NSL1: variants seen among roughly 807,000 people sequenced by gnomAD.
NSL1 encodes NSL1 component of MIS12 kinetochore complex, also known as kinetochore-associated protein NSL1 homolog.
A neutral mutation model predicts 25.4 loss-of-function variants in NSL1; 11 were observed. The observed-to-expected ratio is 0.43, with a 90% CI of 0.27 to 0.72. The LOEUF (loss-of-function observed/expected upper bound fraction) is 0.72, where lower values mean the gene tolerates loss of function less well. Among genes scored for constraint, NSL1 ranks in the 30% least tolerant of loss-of-function variants. The pLI is 0.19. For missense variants in NSL1, 330 were observed against 342.7 expected (o/e 0.96, Z 0.29); for synonymous variants, 118 against 120.6 (o/e 0.98, Z 0.14).
intron 4 of NSL1, among the ~76,000 whole-genome samples, chr1:212,745,816 T>C (rs1355995840): frequency 1.3e-5 from 2 of 149,390 alleles, no homozygotes; most frequent in African/African-American, 5.0e-5. Flanking sequence ...TACAAAAAAA[T>C]CAGCTGGGCT....
At chr1:212,779,868 C>T (rs1035508256) in intron 4 of NSL1, among the ~76,000 whole-genome samples, 5 of 146,270 alleles carry the variant, frequency 3.4e-5, no homozygotes, top group South Asian at 2.2e-4. Context: ...CCGCCCCGTC[C>T]GGGAGGGAGG....
At chr1:212,767,693 G>C (rs1326941523) in intron 4 of NSL1, among the ~76,000 whole-genome samples, 1 of 152,016 alleles carries the variant, frequency 6.6e-6, no homozygotes, top group African/African-American at 2.4e-5. Context: ...CTAATATCCA[G>C]AATCTACAAG....
chr1:212,777,449 A>G (rs963764951), intron 4 of NSL1, among the ~76,000 whole-genome samples: 2 of 152,212 alleles, frequency 1.3e-5, no homozygotes, highest in African/African-American at 2.4e-5. Flanking sequence ...AAAGGAATGG[A>G]TAGTGGAATA....
intron 4 of NSL1, among the ~76,000 whole-genome samples, chr1:212,761,735 CATAAG>C (rs1659576062): frequency 6.6e-6 from 1 of 151,708 alleles, no homozygotes. Context: ...AACACAAGGA[CATAAG>C]AAAAACAATT....
At chr1:212,784,193 T>C (rs1558065244) in intron 3 of NSL1, 170 bp downstream of exon 3, 2 of 429,852 alleles carry the variant, frequency 4.7e-6, no homozygotes, top group African/African-American at 2.0e-5. Context: ...GACTATACTA[T>C]GTCATAGTAC....
chr1:212,775,044 A>G (rs1660299343), intron 4 of NSL1, among the ~76,000 whole-genome samples: 1 of 152,244 alleles, frequency 6.6e-6, no homozygotes, highest in South Asian at 2.1e-4. Context: ...TGTCCATACA[A>G]TGGAATATTA....
In NSL1 at chr1:212,738,360, A is replaced by C. The variant is rs751762425; in HGVS notation, c.*48T>G. The stretch of plus-strand genomic sequence containing the variant: ...CTAGGTATTAATTAGGCTGTAATCT[A>C]AATGTTGATGGTGCCTATTTTCAAC... On this transcript the variant is annotated 3_prime_UTR_variant, in exon 6 of 6. Coordinates refer to ENST00000366977, the MANE Select transcript of NSL1 (RefSeq NM_015471.4). 43 of 1,563,560 alleles carry C rather than the reference A, an allele frequency of 2.8e-5. No individual in the cohort carries two copies. Among genetic ancestry groups the C allele is most frequent in the Non-Finnish European group, 3.2e-5 (37 of 1,159,858 alleles).
rs148649516 is a variant in NSL1, at chr1:212,746,399, A to C, written c.500-6798T>G. 1.1e-3 allele frequency among the ~76,000 whole-genome samples: 167 copies of C among 152,344 alleles called. 2 individuals are homozygous for C. In the East Asian group the frequency reaches 0.018, roughly 17 times the overall value. ...AATCCCCAAGGAAACCACTAAAAAA[A>C]ACCCCTAAGAACTATACAGAAAATA... On this transcript the variant is annotated intron_variant, in intron 4 of 5. Coordinates refer to ENST00000366977, the MANE Select transcript of NSL1 (RefSeq NM_015471.4).
At position 212,741,174 on chromosome 1, in the gene NSL1, G is replaced by A. The variant is rs1311526817; in HGVS notation, c.500-1573C>T. ...GAGGAGATTCCCCAAAAGTACTCAGGGGCATAACAATTGTTAAATTTTCTC... is the reference window on the plus strand; with the variant it reads ...GAGGAGATTCCCCAAAAGTACTCAGAGGCATAACAATTGTTAAATTTTCTC... On this transcript the variant is annotated intron_variant, in intron 4 of 5. Transcript: ENST00000366977. Among the ~76,000 whole-genome samples, 5 of 151,886 alleles carry A rather than the reference G, an allele frequency of 3.3e-5. No individual in the cohort carries two copies. The East Asian group carries it at 5.8e-4, about 18-fold the overall frequency.
chr1:212,776,726 C>T (rs1254229189), intron 4 of NSL1, among the ~76,000 whole-genome samples: 1 of 148,450 alleles, frequency 6.7e-6, no homozygotes, highest in Admixed American at 6.6e-5. Context: ...AACAAAACAA[C>T]AACAACAACA....
At chr1:212,761,159 G>A (rs1659544304) in intron 4 of NSL1, among the ~76,000 whole-genome samples, 1 of 152,186 alleles carries the variant, frequency 6.6e-6, no homozygotes, top group Non-Finnish European at 1.5e-5. Flanking sequence ...CAAATGTGCA[G>A]GTATCAACTT....
At chr1:212,745,189 T>A (rs1203351884) in intron 4 of NSL1, among the ~76,000 whole-genome samples, 470 of 22,412 alleles carry the variant, frequency 0.021, 13 homozygotes, top group Non-Finnish European at 0.04. Flanking sequence ...TATATATATA[T>A]ATATATATAT....
Position 212,780,707 on chromosome 1 carries a change from A to G in NSL1, c.499+1665T>C, listed in dbSNP as rs1489890312. ...TTAATCAGTTTCATATGATTCTACC[A>G]GTTCGGTAGATTATAAGGTATACAA... On this transcript the variant is annotated intron_variant, in intron 4 of 5. Coordinates refer to ENST00000366977, the MANE Select transcript of NSL1 (RefSeq NM_015471.4). Among the ~76,000 whole-genome samples the G allele has an allele frequency of 2.0e-5, 3 of 152,158 alleles. No individual in the cohort carries two copies. In the East Asian group the frequency reaches 5.8e-4, roughly 29 times the overall value.
intron 4 of NSL1, among the ~76,000 whole-genome samples, chr1:212,773,182 T>C (rs1469759127): frequency 5.3e-5 from 8 of 151,940 alleles, no homozygotes; most frequent in African/African-American, 1.9e-4. Context: ...AACAGACAAA[T>C]GGGATTACAT....
At chr1:212,785,870 T>C (rs982032315) in intron 2 of NSL1, among the ~76,000 whole-genome samples, 3 of 152,214 alleles carry the variant, frequency 2.0e-5, no homozygotes, top group Admixed American at 6.5e-5. Flanking sequence ...ATCTGAAACA[T>C]AATTTTTGAA....
chr1:212,767,479 A>G (rs1243249679), intron 4 of NSL1, among the ~76,000 whole-genome samples: 13 of 152,216 alleles, frequency 8.5e-5, no homozygotes. Context: ...AGAAGATAAC[A>G]TCAGACAAAC....
At chr1:212,745,776 AAC>A (rs1195670179) in intron 4 of NSL1, among the ~76,000 whole-genome samples, 3 of 151,920 alleles carry the variant, frequency 2.0e-5, no homozygotes, top group Middle Eastern at 3.4e-3. Flanking sequence ...CAACCTGGAC[AAC>A]ATGGCGAAAC....
At position 212,778,837 on chromosome 1, in the gene NSL1, G is replaced by A. The variant is rs1313796655; in HGVS notation, c.499+3535C>T. Among the ~76,000 whole-genome samples the A allele has an allele frequency of 5.3e-5, 8 of 152,294 alleles. No individual in the cohort carries two copies. In the East Asian group the frequency reaches 1.4e-3, roughly 26 times the overall value. On this transcript the variant is annotated intron_variant, in intron 4 of 5. Coordinates refer to ENST00000366977, the MANE Select transcript of NSL1 (RefSeq NM_015471.4). ...GGCCGCCACCCCGTCTGGGAAGTGAGGAGCGTCTCTGCCTGGCCGCCTATC... is the reference window on the plus strand; with the variant it reads ...GGCCGCCACCCCGTCTGGGAAGTGAAGAGCGTCTCTGCCTGGCCGCCTATC...
chr1:212,728,951 A>T lies in NSL1; in HGVS notation c.*9457T>A. ...GTGTTTGAACGTTTGTTCCCTTTGA[A>T]TATGAAAGAAAAAGAAATGAGGAGT... On this transcript the variant is annotated 3_prime_UTR_variant, in exon 6 of 6. Transcript: ENST00000366977. The T allele has an allele frequency of 1.0e-6, 1 of 985,446 alleles. No homozygotes were observed. Among genetic ancestry groups the T allele is most frequent in the Non-Finnish European group, 1.2e-6 (1 of 829,918 alleles). 61.0% of individuals were successfully genotyped at this position (985,446 alleles called of 1,614,324 possible). A position where few individuals can be genotyped will look rare whatever the true frequency, so the allele number is the denominator to read the frequency against.
Sources: allele counts gnomAD v4.1 joint callset (sites outside exome capture counted in the v4.1 genomes callset), GRCh38; gene constraint gnomAD v4.1.1; transcripts MANE v1.5; gene names NCBI Gene and HGNC (gene_info 2026-07-23, HGNC 2026-07-21).